The following ESD variants were observed in gnomAD, a reference collection of about 807,000 sequenced individuals.
ESD encodes S-formylglutathione hydrolase.
A neutral mutation model predicts 38.1 loss-of-function variants in ESD; 34 were observed. That is an observed-to-expected ratio of 0.89 (90% CI 0.68 to 1.19). The LOEUF (loss-of-function observed/expected upper bound fraction) is 1.19. ESD is among the 50% of genes most tolerant of loss of function. The probability of loss-of-function intolerance (pLI) is 0.00; values close to 1 mark genes in which losing one functional copy is unlikely to be tolerated. For missense variants in ESD, 334 were observed against 327.2 expected (o/e 1.02, Z -0.16); for synonymous variants, 97 against 107.0 (o/e 0.91, Z 0.58).
At chr13:46,779,612 A>G (rs1438066189) in intron 8 of ESD, among the ~76,000 whole-genome samples, 2 of 150,380 alleles carry the variant, frequency 1.3e-5, no homozygotes, top group Admixed American at 6.7e-5. Flanking sequence ...ATTTAGAAAT[A>G]AAAATATAAA....
At chr13:46,794,412 G>A (rs1213117790) in intron 1 of ESD, among the ~76,000 whole-genome samples, 1 of 152,056 alleles carries the variant, frequency 6.6e-6, no homozygotes, top group Admixed American at 6.5e-5. Flanking sequence ...ATGACTCAGT[G>A]TAACCTAGAA....
At chr13:46,795,712 T>G (rs1489727317) in intron 1 of ESD, among the ~76,000 whole-genome samples, 1 of 151,972 alleles carries the variant, frequency 6.6e-6, no homozygotes, top group Non-Finnish European at 1.5e-5. Context: ...CATATAAACT[T>G]CAGTCACACT....
At chr13:46,787,715 T>C (rs1488165358) in intron 3 of ESD, among the ~76,000 whole-genome samples, 1 of 151,990 alleles carries the variant, frequency 6.6e-6, no homozygotes, top group Non-Finnish European at 1.5e-5. Context: ...CCTATCTTTT[T>C]ATCAAAGTTA....
chr13:46,797,002 T>A (rs1196981203), intron 1 of ESD, 103 bp downstream of exon 1: 1 of 152,458 alleles, frequency 6.6e-6, no homozygotes, highest in Non-Finnish European at 1.5e-5. Flanking sequence ...TGCCTGCGGA[T>A]ACCTGCACCG....
At chr13:46,771,934 A>G (rs1874620960) in intron 9 of ESD, among the ~76,000 whole-genome samples, 1 of 152,160 alleles carries the variant, frequency 6.6e-6, no homozygotes, top group South Asian at 2.1e-4. Flanking sequence ...GATGAAAAGA[A>G]TCAGGATTTA....
At chr13:46,773,175 T>C (rs1189536292) in intron 9 of ESD, among the ~76,000 whole-genome samples, 1 of 152,208 alleles carries the variant, frequency 6.6e-6, no homozygotes, top group Non-Finnish European at 1.5e-5. Flanking sequence ...TCTTTGCTAT[T>C]GAATAGTATT....
At chr13:46,782,909 G>A in intron 5 of ESD, 118 bp from the exon 6 acceptor site, 1 of 1,260,814 alleles carries the variant, frequency 7.9e-7, no homozygotes, top group Non-Finnish European at 1.1e-6. Context: ...CAAATGTTGT[G>A]AGCTCTCTGC....
At chr13:46,783,936 T>C (rs1422223107) in intron 5 of ESD, among the ~76,000 whole-genome samples, 1 of 152,008 alleles carries the variant, frequency 6.6e-6, no homozygotes, top group Non-Finnish European at 1.5e-5. Context: ...TAATTTCCTA[T>C]GCATTACACA....
chr13:46,793,500 T>A (rs1875466381), intron 1 of ESD, 56 bp from the exon 2 acceptor site: 1 of 152,614 alleles, frequency 6.6e-6, no homozygotes, highest in Admixed American at 6.5e-5. Context: ...GCAAAGGTTA[T>A]ACAGAGCTTT....
chr13:46,772,900 G>A (rs961657848), intron 9 of ESD, among the ~76,000 whole-genome samples: 2 of 152,094 alleles, frequency 1.3e-5, no homozygotes, highest in African/African-American at 4.8e-5. Context: ...TAGCCAGGAT[G>A]GTCTCGATCT....
intron 8 of ESD, among the ~76,000 whole-genome samples, chr13:46,778,350 C>G (rs1433447962): frequency 1.3e-5 from 2 of 151,874 alleles, no homozygotes; most frequent in African/African-American, 4.8e-5. Context: ...CTCTAAGTAT[C>G]CTGCTTTTGA....
intron 7 of ESD, among the ~76,000 whole-genome samples, chr13:46,781,107 A>T (rs562164501): frequency 1.3e-5 from 2 of 151,768 alleles, no homozygotes; most frequent in Non-Finnish European, 3.0e-5. Context: ...TACCTCAGAA[A>T]ATCAAAGTCA....
chr13:46,782,231 TTGTTTC>T (rs1037750440), intron 6 of ESD, among the ~76,000 whole-genome samples: 1 of 151,806 alleles, frequency 6.6e-6, no homozygotes, highest in African/African-American at 2.4e-5. Flanking sequence ...ACTTACACTA[TTGTTTC>T]TAAGTTTTTA....
chr13:46,773,948 T>G (rs1206966105), intron 9 of ESD, among the ~76,000 whole-genome samples: 3 of 152,202 alleles, frequency 2.0e-5, no homozygotes, highest in African/African-American at 7.2e-5. Flanking sequence ...GCCTGGAGTT[T>G]TAGGCCACCA....
At chr13:46,785,603 ATTTT>A (rs1875166778) in intron 4 of ESD, 1 of 151,880 alleles carries the variant, frequency 6.6e-6, no homozygotes, top group Non-Finnish European at 1.5e-5. Context: ...ACCTTCTGAA[ATTTT>A]TTTGTCACCA....
chr13:46,791,359 A>T lies in ESD; in HGVS notation c.55T>A (p.Phe19Ile), dbSNP rs779297631. 6.2e-7 allele frequency: 1 copy of T among 1,612,552 alleles called. No individual in the cohort carries two copies. The highest frequency in any genetic ancestry group is 8.5e-7 in the Non-Finnish European group (1 of 1,179,138). ...CTTAATAGTTACCTGTCATGTTCAAAAACTTTCTGCAATCCCCCAAAGCAC... is the reference window on the plus strand; with the variant it reads ...CTTAATAGTTACCTGTCATGTTCAATAACTTTCTGCAATCCCCCAAAGCAC... ...NKCFGGLQKV[F>I]EHDSVELNCK... Residue 19 changes from phenylalanine (F) to isoleucine (I), a missense_variant, in exon 3 of 10, where the codon TTT (phenylalanine) becomes ATT (isoleucine). Transcript: ENST00000378720.
At chr13:46,791,515 T>C in intron 2 of ESD, 95 bp from the exon 3 acceptor site, 1 of 863,816 alleles carries the variant, frequency 1.2e-6, no homozygotes, top group South Asian at 1.7e-5. Context: ...TATCTGAACA[T>C]ACAACTATTT....
chr13:46,781,766 A>G, intron 6 of ESD, 151 bp from the exon 7 acceptor site: 1 of 659,450 alleles, frequency 1.5e-6, no homozygotes, highest in Non-Finnish European at 2.6e-6. Context: ...ACAAAACTAA[A>G]TCCTCAGGCA....
At chr13:46,792,489 A>G (rs1210385278) in intron 2 of ESD, among the ~76,000 whole-genome samples, 1 of 152,090 alleles carries the variant, frequency 6.6e-6, no homozygotes, top group African/African-American at 2.4e-5. Flanking sequence ...AATTTCTTCA[A>G]TAAACCCAAA....
Sources: allele counts gnomAD v4.1 joint callset (sites outside exome capture counted in the v4.1 genomes callset), GRCh38; gene constraint gnomAD v4.1.1; transcripts MANE v1.5; gene names NCBI Gene and HGNC (gene_info 2026-07-23, HGNC 2026-07-21).